The following KLHL29 variants were observed in gnomAD, a reference collection of about 807,000 sequenced individuals.
KLHL29 encodes kelch-like protein 29.
Under a neutral mutation model 80.4 loss-of-function variants are expected in KLHL29, and 21 were observed. The observed-to-expected ratio is 0.26, with a 90% CI of 0.19 to 0.38. The LOEUF (loss-of-function observed/expected upper bound fraction) is 0.38. KLHL29 is among the 10% of genes least tolerant of loss of function. KLHL29 has a pLI of 1.00. For synonymous variants in KLHL29, 511 were observed against 526.8 expected (o/e 0.97, Z 0.41); for missense variants, 867 against 1,223.9 (o/e 0.71, Z 4.35).
intron 3 of KLHL29, among the ~76,000 whole-genome samples, chr2:23,633,514 G>A (rs1235863607): frequency 6.6e-6 from 1 of 151,332 alleles, no homozygotes; most frequent in Non-Finnish European, 1.5e-5. Flanking sequence ...TTTAGTGGCT[G>A]TTAAATGACA....
chr2:23,522,275 G>C, intron 2 of KLHL29, among the ~76,000 whole-genome samples: 1 of 152,034 alleles, frequency 6.6e-6, no homozygotes, highest in East Asian at 1.9e-4. Flanking sequence ...CTCAGTCTCT[G>C]AGTAGTTGGG....
chr2:23,527,881 C>T (rs1192753295), intron 2 of KLHL29, among the ~76,000 whole-genome samples: 1 of 152,192 alleles, frequency 6.6e-6, no homozygotes, highest in African/African-American at 2.4e-5. Context: ...CCCAACCAAA[C>T]GTAGACATCA....
intron 3 of KLHL29, among the ~76,000 whole-genome samples, chr2:23,627,021 G>A (rs910808165): frequency 6.6e-6 from 1 of 152,278 alleles, no homozygotes; most frequent in Admixed American, 6.5e-5. Flanking sequence ...CACAGCCCCT[G>A]TGTGCAGTGC....
Position 23,642,673 on chromosome 2 carries a change from G to A in KLHL29, c.763G>A (p.Gly255Ser), listed in dbSNP as rs751666224. 3.4e-5 allele frequency: 53 copies of A among 1,547,808 alleles called. No homozygotes were observed. Among genetic ancestry groups the A allele is most frequent in the South Asian group, 6.0e-5 (5 of 83,906 alleles). ...CCCAGGACCCACCGCTGTGGGCAAC[G>A]GCCACATGGCAGGGCCCCTGCTGCC... Reference protein sequence around the residue: ...ARPGPTAVGNGHMAGPLLPPP... With the variant: ...ARPGPTAVGNSHMAGPLLPPP... Residue 255 changes from glycine to serine, a missense_variant, in exon 5 of 14, where the codon GGC becomes AGC. Transcript: ENST00000486442.
At chr2:23,601,890 G>A (rs1223873120) in intron 3 of KLHL29, among the ~76,000 whole-genome samples, 5 of 152,250 alleles carry the variant, frequency 3.3e-5, no homozygotes, top group Non-Finnish European at 7.3e-5. Flanking sequence ...GCCCTCCGCA[G>A]TGTGGGGGTG....
intron 1 of KLHL29, among the ~76,000 whole-genome samples, chr2:23,388,444 A>G (rs1666237756): frequency 6.6e-6 from 1 of 152,228 alleles, no homozygotes; most frequent in African/African-American, 2.4e-5. Context: ...AGGAATAAAC[A>G]TGTTGGAAGT....
intron 2 of KLHL29, among the ~76,000 whole-genome samples, chr2:23,482,029 G>C (rs1191362652): frequency 6.6e-6 from 1 of 152,190 alleles, no homozygotes; most frequent in Admixed American, 6.5e-5. Flanking sequence ...ATTGTGGAAG[G>C]CCATGCCCCC....
At chr2:23,390,981 T>G (rs1666308648) in intron 1 of KLHL29, among the ~76,000 whole-genome samples, 1 of 152,212 alleles carries the variant, frequency 6.6e-6, no homozygotes, top group Admixed American at 6.5e-5. Flanking sequence ...GCATTCACAT[T>G]GTTGTGCAAG....
Position 23,436,517 on chromosome 2 carries a change from G to A in KLHL29, c.-153-39043G>A, listed in dbSNP as rs1663348090. 4.0e-5 allele frequency among the ~76,000 whole-genome samples: 6 copies of A among 151,150 alleles called. 1 individual carries two copies. The South Asian group carries it at 1.3e-3, about 32-fold the overall frequency. The stretch of plus-strand genomic sequence containing the variant: ...CTCTCCTCATTGTCTGTGGGTTTAG[G>A]CACCGAGAGCTGCACAGATAAAAGC... On this transcript the variant is annotated intron_variant, in intron 1 of 13. Coordinates refer to ENST00000486442, the MANE Select transcript of KLHL29 (RefSeq NM_052920.2).
intron 6 of KLHL29, among the ~76,000 whole-genome samples, chr2:23,687,341 G>GGACAGGT (rs1167222829): frequency 6.6e-6 from 1 of 152,210 alleles, no homozygotes; most frequent in Non-Finnish European, 1.5e-5. Flanking sequence ...CACCAGCCTG[G>GGACAGGT]GACAGGTGAT....
intron 1 of KLHL29, 148 bp downstream of exon 1, chr2:23,385,928 G>T: frequency 6.5e-6 from 1 of 153,858 alleles, no homozygotes; most frequent in South Asian, 1.8e-4. Context: ...CGGCGGCGGC[G>T]ACAGGAGCCT....
intron 1 of KLHL29, among the ~76,000 whole-genome samples, chr2:23,426,212 G>C (rs1046476633): frequency 6.6e-6 from 1 of 152,184 alleles, no homozygotes; most frequent in Non-Finnish European, 1.5e-5. Context: ...CCATTCTACT[G>C]TACTCAGGCT....
At chr2:23,598,456 G>C (rs1668483124) in intron 3 of KLHL29, among the ~76,000 whole-genome samples, 1 of 151,690 alleles carries the variant, frequency 6.6e-6, no homozygotes, top group Non-Finnish European at 1.5e-5. Flanking sequence ...CATATACACT[G>C]TGCACAAACA....
intron 3 of KLHL29, among the ~76,000 whole-genome samples, chr2:23,623,199 C>T (rs1171138161): frequency 6.6e-6 from 1 of 152,152 alleles, no homozygotes. Flanking sequence ...TTTCCTTCCC[C>T]ACCCTGGGGA....
At position 23,684,198 on chromosome 2, in the gene KLHL29, A is replaced by T. The variant is rs1671172760; in HGVS notation, c.941-201A>T. On this transcript the variant is annotated intron_variant, in intron 5 of 13. Coordinates refer to ENST00000486442, the MANE Select transcript of KLHL29 (RefSeq NM_052920.2). This position sits in a 1 kb window ranked among gnomAD's most constrained non-coding sequence, Gnocchi z 4.4. Reference sequence around the variant, plus strand: ...TAAAGTTGTGATTCCTTTGGTTATTAGCCCCTCCCAGTGGCTGCTTGTTTA... The same window carrying T: ...TAAAGTTGTGATTCCTTTGGTTATTTGCCCCTCCCAGTGGCTGCTTGTTTA... Among the ~76,000 whole-genome samples the T allele has an allele frequency of 6.6e-6, 1 of 152,084 alleles. No homozygotes were observed. The highest frequency in any genetic ancestry group is 6.5e-5 in the Admixed American group (1 of 15,268).
intron 1 of KLHL29, among the ~76,000 whole-genome samples, chr2:23,408,857 T>G (rs1179523706): frequency 6.6e-6 from 1 of 152,196 alleles, no homozygotes; most frequent in Non-Finnish European, 1.5e-5. Context: ...GGTAGCATCA[T>G]GTATTTGGGG....
chr2:23,431,237 G>C (rs1288291643), intron 1 of KLHL29, among the ~76,000 whole-genome samples: 1 of 152,226 alleles, frequency 6.6e-6, no homozygotes, highest in Non-Finnish European at 1.5e-5. Flanking sequence ...GTTTACAGGT[G>C]TCCAGAGTTG....
intron 1 of KLHL29, among the ~76,000 whole-genome samples, chr2:23,417,201 C>A (rs1666998144): frequency 6.6e-6 from 1 of 152,102 alleles, no homozygotes; most frequent in African/African-American, 2.4e-5. Flanking sequence ...GATTTGACAG[C>A]AACCTTTTAA....
At chr2:23,467,485 G>C (rs563991443) in intron 1 of KLHL29, among the ~76,000 whole-genome samples, 3 of 152,352 alleles carry the variant, frequency 2.0e-5, no homozygotes, top group Admixed American at 1.3e-4. Flanking sequence ...TGGGTAAAAA[G>C]TCCTGTAATC....
Sources: allele counts gnomAD v4.1 joint callset (sites outside exome capture counted in the v4.1 genomes callset), GRCh38; gene constraint gnomAD v4.1.1; non-coding constraint Gnocchi (gnomAD v3.1); transcripts MANE v1.5; gene names NCBI Gene and HGNC (gene_info 2026-07-23, HGNC 2026-07-21).